Variants in BICC1 observed in about 807,000 individuals in gnomAD.
BICC1 encodes the protein protein bicaudal C homolog 1.
BICC1 carries 43 observed loss-of-function variants against 111.0 expected under a neutral mutation model. The ratio of observed to expected loss-of-function variants is 0.39; its 90% CI spans 0.30 to 0.50. BICC1 has a LOEUF of 0.50. Among genes scored for constraint, BICC1 ranks in the 20% least tolerant of loss-of-function variants. The probability of loss-of-function intolerance (pLI) is 0.88; values close to 1 mark genes in which losing one functional copy is unlikely to be tolerated. For missense variants in BICC1, 1,091 were observed against 1,203.2 expected (o/e 0.91, Z 1.38); for synonymous variants, 467 against 434.4 (o/e 1.07, Z -0.93).
At chr10:58,582,252 T>C (rs1043322939) in intron 1 of BICC1, among the ~76,000 whole-genome samples, 1 of 152,248 alleles carries the variant, frequency 6.6e-6, no homozygotes, top group African/African-American at 2.4e-5. Context: ...CTCTCCACTT[T>C]ATATTTACAG....
intron 1 of BICC1, among the ~76,000 whole-genome samples, chr10:58,617,033 T>C (rs1845635126): frequency 6.6e-6 from 1 of 152,260 alleles, no homozygotes; most frequent in Non-Finnish European, 1.5e-5. Flanking sequence ...GAGCTGGATG[T>C]GCATGTGACC....
At chr10:58,523,590 C>T (rs1842451533) in intron 1 of BICC1, among the ~76,000 whole-genome samples, 1 of 152,152 alleles carries the variant, frequency 6.6e-6, no homozygotes, top group African/African-American at 2.4e-5. Context: ...AACCCACAGC[C>T]AGTATCATAT....
intron 1 of BICC1, among the ~76,000 whole-genome samples, chr10:58,525,603 C>A (rs1031214498): frequency 2.7e-5 from 4 of 148,614 alleles, no homozygotes; most frequent in African/African-American, 9.8e-5. Context: ...AGGACATATA[C>A]CTAATGTTAA....
At chr10:58,760,756 T>C (rs972961982) in intron 3 of BICC1, among the ~76,000 whole-genome samples, 16 of 152,126 alleles carry the variant, frequency 1.1e-4, no homozygotes, top group African/African-American at 3.9e-4. Flanking sequence ...GTGAGATGAA[T>C]TTACAAATGG....
chr10:58,629,711 A>G (rs1373464653), intron 2 of BICC1, among the ~76,000 whole-genome samples: 1 of 152,170 alleles, frequency 6.6e-6, no homozygotes, highest in African/African-American at 2.4e-5. Context: ...ATTTACAGTA[A>G]TGATTTGTTG....
chr10:58,766,697 A>G (rs1233857577), intron 3 of BICC1, among the ~76,000 whole-genome samples: 2 of 151,944 alleles, frequency 1.3e-5, no homozygotes, highest in African/African-American at 2.4e-5. Flanking sequence ...ATTTAAGGAG[A>G]GATGCATTGA....
At chr10:58,665,581 T>C (rs1350813469) in intron 2 of BICC1, among the ~76,000 whole-genome samples, 1 of 152,210 alleles carries the variant, frequency 6.6e-6, no homozygotes, top group Non-Finnish European at 1.5e-5. Flanking sequence ...ATCTTGTGTT[T>C]AGGAATTCAG....
chr10:58,518,189 A>G (rs528676642), intron 1 of BICC1, among the ~76,000 whole-genome samples: 28 of 152,282 alleles, frequency 1.8e-4, no homozygotes, highest in African/African-American at 6.7e-4. Context: ...GTCCTGAGCC[A>G]TTCATTTCTA....
intron 3 of BICC1, among the ~76,000 whole-genome samples, chr10:58,708,786 TAG>T (rs1473313922): frequency 5.3e-5 from 8 of 152,198 alleles, no homozygotes; most frequent in African/African-American, 1.7e-4. Flanking sequence ...TGGACCTACC[TAG>T]CCCCCAGGTG....
intron 19 of BICC1, among the ~76,000 whole-genome samples, chr10:58,819,154 C>T (rs1844182783): frequency 6.6e-6 from 1 of 152,144 alleles, no homozygotes; most frequent in African/African-American, 2.4e-5. Context: ...CCAGCTATAA[C>T]AGCGTAGTTA....
chr10:58,719,110 A>G (rs939549736), intron 3 of BICC1, among the ~76,000 whole-genome samples: 1 of 152,124 alleles, frequency 6.6e-6, no homozygotes, highest in Admixed American at 6.5e-5. Context: ...AAAAGTATTT[A>G]ATTTTTGGTA....
Position 58,810,455 on chromosome 10 carries a change from C to CT in BICC1, c.2376+3308dup, listed in dbSNP as rs574918564. Among the ~76,000 whole-genome samples the CT allele has an allele frequency of 5.8e-3, 858 of 147,938 alleles. 13 individuals are homozygous for CT. The highest frequency in any genetic ancestry group is 0.052 in the South Asian group (244 of 4,696). On this transcript the variant is annotated intron_variant, in intron 17 of 20. Transcript: ENST00000373886. Reference sequence around the variant, plus strand: ...AGTGCTACTAATGGAAAGATATGATCTTTTTTTTTTTCTTTTTTGTGAATG... The same window carrying CT: ...AGTGCTACTAATGGAAAGATATGATCTTTTTTTTTTTTCTTTTTTGTGAATG...
chr10:58,737,150 G>T (rs1841495219), intron 3 of BICC1, among the ~76,000 whole-genome samples: 1 of 151,890 alleles, frequency 6.6e-6, no homozygotes, highest in Non-Finnish European at 1.5e-5. Flanking sequence ...CAACGTGCAG[G>T]TTTGTTACAT....
chr10:58,764,631 T>C (rs1288878032), intron 3 of BICC1, among the ~76,000 whole-genome samples: 3 of 39,436 alleles, frequency 7.6e-5, no homozygotes, highest in South Asian at 7.3e-4. Flanking sequence ...ATTTCCTTCT[T>C]TTTTTTTTTT....
intron 1 of BICC1, 28 bp from the exon 2 acceptor site, chr10:58,620,827 T>C (rs1845778967): frequency 6.2e-7 from 1 of 1,604,912 alleles, no homozygotes; most frequent in Non-Finnish European, 8.5e-7. Context: ...TGAAAAAGTA[T>C]TTTAAATGTG....
At chr10:58,773,627 C>T (rs1021481730) in intron 3 of BICC1, among the ~76,000 whole-genome samples, 7 of 152,234 alleles carry the variant, frequency 4.6e-5, no homozygotes, top group Non-Finnish European at 1.0e-4. Context: ...CATGCAGCCA[C>T]TGCCAGGGGT....
At chr10:58,706,383 T>C (rs919001106) in intron 3 of BICC1, among the ~76,000 whole-genome samples, 11 of 152,352 alleles carry the variant, frequency 7.2e-5, no homozygotes, top group African/African-American at 2.6e-4. Flanking sequence ...TTTATCACAC[T>C]GGTATATTGT....
At chr10:58,574,527 G>T (rs2131990489) in intron 1 of BICC1, among the ~76,000 whole-genome samples, 1 of 152,114 alleles carries the variant, frequency 6.6e-6, no homozygotes, top group East Asian at 1.9e-4. Context: ...TTATACATAT[G>T]CATAAGTATT....
chr10:58,807,820 T>TG (rs1843757168), intron 17 of BICC1, among the ~76,000 whole-genome samples: 4 of 151,728 alleles, frequency 2.6e-5, no homozygotes, highest in African/African-American at 9.7e-5. Context: ...CCTTTGGGAG[T>TG]CGGGGTGGGT....
Sources: allele counts gnomAD v4.1 joint callset (sites outside exome capture counted in the v4.1 genomes callset), GRCh38; gene constraint gnomAD v4.1.1; transcripts MANE v1.5; gene names NCBI Gene and HGNC (gene_info 2026-07-23, HGNC 2026-07-21).